The following PTPN14 variants were observed in gnomAD, a reference collection of about 807,000 sequenced individuals.
PTPN14 encodes tyrosine-protein phosphatase non-receptor type 14.
A neutral mutation model predicts 126.8 loss-of-function variants in PTPN14; 53 were observed. That is an observed-to-expected ratio of 0.42 (90% CI 0.34 to 0.53). The LOEUF is 0.53. PTPN14 is among the 20% of genes least tolerant of loss of function. The probability of loss-of-function intolerance (pLI) is 0.08; values close to 1 mark genes in which losing one functional copy is unlikely to be tolerated. For missense variants in PTPN14, 1,257 were observed against 1,552.9 expected, an observed-to-expected ratio of 0.81 and a Z score of 3.20; for synonymous variants, 630 against 599.3, an observed-to-expected ratio of 1.05 and a Z score of -0.75.
rs577176491 is a variant in PTPN14 at position 214,432,238 on chromosome 1, T to C, written c.345-17512A>G. Among the ~76,000 whole-genome samples, 5 of 151,558 alleles carry C rather than the reference T, an allele frequency of 3.3e-5. No individual in the cohort carries two copies. In the East Asian group the frequency reaches 7.8e-4, roughly 24 times the overall value. Reference sequence around the variant, plus strand: ...ATTTGCAACTAAATAAATGCCACAATACTTGCTTTTATGATTACTGATATC... The same window carrying C: ...ATTTGCAACTAAATAAATGCCACAACACTTGCTTTTATGATTACTGATATC... On this transcript the variant is annotated intron_variant, in intron 3 of 18. Coordinates refer to ENST00000366956, the MANE Select transcript of PTPN14 (RefSeq NM_005401.5).
chr1:214,390,512 A>C (rs1386151126), intron 11 of PTPN14, among the ~76,000 whole-genome samples: 1 of 152,176 alleles, frequency 6.6e-6, no homozygotes, highest in Non-Finnish European at 1.5e-5. Context: ...ATATGCAATC[A>C]ATTTTCCCCA....
chr1:214,479,743 T>C (rs1230623091), intron 1 of PTPN14, among the ~76,000 whole-genome samples: 1 of 152,156 alleles, frequency 6.6e-6, no homozygotes, highest in African/African-American at 2.4e-5. Context: ...GCTCAGTCGT[T>C]TTCTATTTTA....
chr1:214,383,456 T>C lies in PTPN14; in HGVS notation c.2399A>G (p.Asn800Ser), dbSNP rs563897292. The change falls in exon 13 of 19, where the codon AAC (asparagine) becomes AGC (serine). Residue 800 changes from asparagine to serine, a missense_variant. This residue lies in a region of PTPN14 where 1,021 missense variants were observed against 1,183.3 expected (regional missense o/e 0.86). Transcript: ENST00000366956. This position sits in a 1 kb window ranked among gnomAD's most constrained non-coding sequence, Gnocchi z 4.4. ...SMSRTDPPAV[N>S]GASLGPSISE... The stretch of plus-strand genomic sequence containing the variant: ...GATGGATGGGCCGAGAGAGGCCCCG[T>C]TGACAGCCGGCGGGTCAGTCCGAGA... The C allele has an allele frequency of 5.0e-6, 8 of 1,614,250 alleles. No individual in the cohort carries two copies. Among genetic ancestry groups the C allele is most frequent in the East Asian group, 2.2e-5 (1 of 44,876 alleles).
Position 214,519,973 on chromosome 1 carries a change from C to T in PTPN14, c.-155+31210G>A, listed in dbSNP as rs181087488. ...GAGGTGGGAGGATCCCTTGAGCCCG[C>T]GGGGTTCGAGGCCACAGTAAGCTAT... On this transcript the variant is annotated intron_variant, in intron 1 of 18. Coordinates refer to ENST00000366956, the MANE Select transcript of PTPN14 (RefSeq NM_005401.5). Among the ~76,000 whole-genome samples, 916 of 145,884 alleles carry T rather than the reference C, an allele frequency of 6.3e-3. 6 individuals are homozygous for T. The highest frequency in any genetic ancestry group is 0.014 in the Middle Eastern group (4 of 276).
Position 214,383,822 on chromosome 1 carries a change from T to C in PTPN14, c.2033A>G (p.Glu678Gly). ...GACCTCGTGGCTGCCTGACCCCTCC[T>C]CGGGCGGTCCCTGCTCCCGGAGCGT... Reference protein sequence around the residue: ...RNTLREQGPPEEGSGSHEVPQ... With the variant: ...RNTLREQGPPGEGSGSHEVPQ... The change falls in exon 13 of 19, where the codon GAG becomes GGG. Residue 678 changes from glutamate to glycine, a missense_variant. Physicochemically the swap from Glu to Gly is moderately conservative, Grantham distance 98. This residue lies in a region of PTPN14 where 1,021 missense variants were observed against 1,183.3 expected (regional missense o/e 0.86). Coordinates refer to ENST00000366956, the MANE Select transcript of PTPN14 (RefSeq NM_005401.5). The surrounding 1 kb of genome is among the most constrained non-coding windows in gnomAD (Gnocchi z 4.4). The C allele has an allele frequency of 6.2e-7, 1 of 1,612,538 alleles. No homozygotes were observed. The highest frequency in any genetic ancestry group is 8.5e-7 in the Non-Finnish European group (1 of 1,179,982).
intron 12 of PTPN14, among the ~76,000 whole-genome samples, chr1:214,386,598 G>A (rs1658616203): frequency 6.6e-6 from 1 of 152,206 alleles, no homozygotes; most frequent in African/African-American, 2.4e-5. Flanking sequence ...AGGAAAGGGA[G>A]GAGAAAAGGA....
chr1:214,488,321 G>C (rs1661160263), intron 1 of PTPN14, among the ~76,000 whole-genome samples: 1 of 152,122 alleles, frequency 6.6e-6, no homozygotes, highest in Non-Finnish European at 1.5e-5. Context: ...GTAGGGGCCA[G>C]GCACTACACT....
At position 214,475,714 on chromosome 1, in the gene PTPN14, A is replaced by G. The variant is rs1008556251; in HGVS notation, c.-154-10757T>C. ...GTGAAGCAGACACATTGATGGGGGC[A>G]CTCTGCTGAGCACAATCTCAACACC... On this transcript the variant is annotated intron_variant, in intron 1 of 18. Transcript: ENST00000366956. Among the ~76,000 whole-genome samples, 34 of 152,086 alleles carry G rather than the reference A, an allele frequency of 2.2e-4. 1 individual carries two copies. Among genetic ancestry groups the G allele is most frequent in the Admixed American group, 2.2e-3 (34 of 15,272 alleles).
chr1:214,419,113 A>G (rs900458670), intron 3 of PTPN14, among the ~76,000 whole-genome samples: 9 of 152,214 alleles, frequency 5.9e-5, no homozygotes, highest in African/African-American at 2.2e-4. Context: ...CGATCATAAA[A>G]AATGTTATCC....
At chr1:214,529,180 G>C (rs1400283493) in intron 1 of PTPN14, 1 of 152,140 alleles carries the variant, frequency 6.6e-6, no homozygotes, top group Non-Finnish European at 1.5e-5. Flanking sequence ...AGCTGTGTGT[G>C]GTGGCGCATG....
chr1:214,353,261 C>T lies in PTPN14; in HGVS notation c.*4661G>A, dbSNP rs1657740462. The T allele has an allele frequency of 6.6e-6, 1 of 152,210 alleles. No individual in the cohort carries two copies. The highest frequency in any genetic ancestry group is 6.5e-5 in the Admixed American group (1 of 15,280). The allele number at this position is 152,210 out of a possible 1,614,324, so 9.4% of individuals were successfully genotyped here. A position where few individuals can be genotyped will look rare whatever the true frequency, so the allele number is the denominator to read the frequency against. On this transcript the variant is annotated 3_prime_UTR_variant, in exon 19 of 19. Coordinates refer to ENST00000366956, the MANE Select transcript of PTPN14 (RefSeq NM_005401.5). ...GCACAGTATTTGCATATAACCTATG[C>T]ACATCTCTTGCATACTTTAAATCAT...
At chr1:214,360,867 G>C (rs955122422) in intron 18 of PTPN14, among the ~76,000 whole-genome samples, 2 of 152,196 alleles carry the variant, frequency 1.3e-5, no homozygotes, top group Non-Finnish European at 2.9e-5. Flanking sequence ...GGAGGGACCT[G>C]GTGGGAGGTG....
At chr1:214,403,089 T>C (rs899733749) in intron 5 of PTPN14, 136 bp from the exon 6 acceptor site, 2 of 776,472 alleles carry the variant, frequency 2.6e-6, no homozygotes, top group Middle Eastern at 2.5e-4. Flanking sequence ...TGCTGTAGAA[T>C]TAAAGGTTGT....
chr1:214,414,749 AAAC>A (rs1242489152), intron 3 of PTPN14, 23 bp from the exon 4 acceptor site: 1 of 1,563,924 alleles, frequency 6.4e-7, no homozygotes, highest in East Asian at 2.2e-5. Context: ...ATAGAGGAAC[AAAC>A]AACCTTAAAA....
chr1:214,528,936 A>AC (rs1170354794), intron 1 of PTPN14: 1 of 152,146 alleles, frequency 6.6e-6, no homozygotes, highest in East Asian at 1.9e-4. Flanking sequence ...ATCTCAAAAA[A>AC]AAAAAAAAGA....
At chr1:214,366,296 A>G (rs1658079969) in intron 17 of PTPN14, among the ~76,000 whole-genome samples, 1 of 152,196 alleles carries the variant, frequency 6.6e-6, no homozygotes, top group Admixed American at 6.5e-5. Flanking sequence ...TTTTTCTGCG[A>G]GGGGGAAAAG....
At chr1:214,389,313 G>A (rs1412335264) in intron 11 of PTPN14, among the ~76,000 whole-genome samples, 2 of 152,208 alleles carry the variant, frequency 1.3e-5, no homozygotes, top group Non-Finnish European at 2.9e-5. Flanking sequence ...AAACAGCATT[G>A]TCAAAGGACA....
At chr1:214,515,917 G>A (rs546752374) in intron 1 of PTPN14, among the ~76,000 whole-genome samples, 1 of 152,178 alleles carries the variant, frequency 6.6e-6, no homozygotes, top group African/African-American at 2.4e-5. Context: ...AGTTACCTTT[G>A]GCAAAGTACA....
At chr1:214,449,493 T>G (rs4576640) in intron 3 of PTPN14, among the ~76,000 whole-genome samples, 1 of 152,196 alleles carries the variant, frequency 6.6e-6, no homozygotes, top group African/African-American at 2.4e-5. Flanking sequence ...TTCTAGTCCA[T>G]GTTTCACCCT....
Sources: allele counts gnomAD v4.1 joint callset (sites outside exome capture counted in the v4.1 genomes callset), GRCh38; gene constraint gnomAD v4.1.1; regional missense constraint gnomAD v4.1.1; non-coding constraint Gnocchi (gnomAD v3.1); transcripts MANE v1.5; gene names NCBI Gene and HGNC (gene_info 2026-07-23, HGNC 2026-07-21).